The following TEX15 variants were observed in gnomAD, a reference collection of about 807,000 sequenced individuals.
The protein encoded by TEX15 is testis-expressed protein 15.
In TEX15, 171 loss-of-function variants were observed where a neutral mutation model predicts 237.3. The observed-to-expected ratio is 0.72, with a 90% confidence interval of 0.64 to 0.82. The LOEUF (loss-of-function observed/expected upper bound fraction) is 0.82, where lower values mean the gene tolerates loss of function less well. Ranked by LOEUF, TEX15 falls within the 40% of genes least tolerant of loss-of-function variation. TEX15 has a pLI of 0.00. For missense variants in TEX15, 3,750 were observed against 3,646.5 expected (o/e 1.03, Z -0.73); for synonymous variants, 1,338 against 1,269.8 (o/e 1.05, Z -1.14).
rs770383020 is a variant in TEX15 at position 30,846,779 on chromosome 8, A to G, written c.3388T>C (p.Ser1130Pro). The change falls in exon 8 of 11, where the codon TCT becomes CCT. Residue 1130 changes from serine (S) to proline (P), a missense_variant. Transcript: ENST00000643185. ...TGRENSDQHYSKESNYFYSST... is the reference protein window; with the variant it reads ...TGRENSDQHYPKESNYFYSST... Reference sequence around the variant, plus strand: ...GAATAAAAATAGTTACTTTCCTTAGAATAATGCTGATCACTATTCTCCCTT... The same window carrying G: ...GAATAAAAATAGTTACTTTCCTTAGGATAATGCTGATCACTATTCTCCCTT... The G allele has an allele frequency of 6.2e-7, 1 of 1,613,848 alleles. No homozygotes were observed. Among genetic ancestry groups the G allele is most frequent in the Non-Finnish European group, 8.5e-7 (1 of 1,179,780 alleles).
intron 4 of TEX15, among the ~76,000 whole-genome samples, chr8:30,870,499 C>T (rs1240626245): frequency 6.6e-6 from 1 of 151,922 alleles, no homozygotes; most frequent in African/African-American, 2.4e-5. Flanking sequence ...AGGTATTTAG[C>T]TATGGGGTGG....
rs1462089166 is a variant in TEX15, at chr8:30,848,156, T to A, written c.2011A>T (p.Ser671Cys). Reference sequence around the variant, plus strand: ...CAGCTTTTCCCAAAAGAATTATGACTCTCACTCTCTTTGTATTCTTGGTGC... The same window carrying A: ...CAGCTTTTCCCAAAAGAATTATGACACTCACTCTCTTTGTATTCTTGGTGC... ...VLHQEYKESESHNSFGKSCDK... is the reference protein window; with the variant it reads ...VLHQEYKESECHNSFGKSCDK... Residue 671 changes from serine to cysteine, a missense_variant, in exon 8 of 11, where the codon AGT becomes TGT. By Grantham distance (112) the Ser-to-Cys change is moderately radical (BLOSUM62 -1). Transcript: ENST00000643185. 6.2e-7 allele frequency: 1 copy of A among 1,610,576 alleles called. No homozygotes were observed. Among genetic ancestry groups the A allele is most frequent in the Non-Finnish European group, 8.5e-7 (1 of 1,179,056 alleles).
In TEX15 at chr8:30,845,665, G is replaced by C. The variant is rs773742471; in HGVS notation, c.4502C>G (p.Pro1501Arg). The C allele has an allele frequency of 6.2e-7, 1 of 1,613,540 alleles. No homozygotes were observed. The highest frequency in any genetic ancestry group is 1.1e-5 in the South Asian group (1 of 91,048). Residue 1501 changes from proline (P) to arginine (R), a missense_variant, in exon 8 of 11, where the codon CCC becomes CGC. By Grantham distance (103) the Pro-to-Arg change is moderately radical. Coordinates refer to ENST00000643185, the MANE Select transcript of TEX15 (RefSeq NM_001350162.2). ...AAATTCTCCCATGTGACTGGTGGTG[G>C]GGTGACTTTTTGAGACACTGCTAGC... ...SMASSVSKSH[P>R]TTSHMGEFCN...
chr8:30,896,134 T>C (rs1808901867), intron 2 of TEX15, among the ~76,000 whole-genome samples: 1 of 152,174 alleles, frequency 6.6e-6, no homozygotes. Context: ...TGCAGGACAA[T>C]GACGACCCGT....
intron 6 of TEX15, among the ~76,000 whole-genome samples, chr8:30,859,594 CATTATT>C (rs1402975792): frequency 6.6e-6 from 1 of 151,916 alleles, no homozygotes; most frequent in Non-Finnish European, 1.5e-5. Context: ...TGAAATAATG[CATTATT>C]ATTAAGTATG....
intron 1 of TEX15, among the ~76,000 whole-genome samples, chr8:30,900,364 A>G (rs534188861): frequency 1.1e-4 from 17 of 152,376 alleles, no homozygotes; most frequent in Non-Finnish European, 2.2e-4. Context: ...AGAAATTCTG[A>G]GTACTGTGAT....
At chr8:30,882,244 T>C (rs1485784801) in intron 3 of TEX15, among the ~76,000 whole-genome samples, 2 of 152,192 alleles carry the variant, frequency 1.3e-5, no homozygotes, top group African/African-American at 2.4e-5. Flanking sequence ...AGATTTACTT[T>C]TCTGTTTGCA....
chr8:30,841,965 A>G, intron 8 of TEX15, 39 bp downstream of exon 8: 1 of 1,412,376 alleles, frequency 7.1e-7, no homozygotes, highest in Non-Finnish European at 9.5e-7. Context: ...TGTTTTCAAA[A>G]AGAATACTTA....
At chr8:30,903,899 G>A (rs1809049383) in intron 1 of TEX15, among the ~76,000 whole-genome samples, 1 of 152,202 alleles carries the variant, frequency 6.6e-6, no homozygotes, top group Admixed American at 6.5e-5. Context: ...AATAGGTTGT[G>A]AAAGATGAGG....
intron 4 of TEX15, among the ~76,000 whole-genome samples, chr8:30,868,515 G>A (rs1266778825): frequency 6.6e-6 from 1 of 152,026 alleles, no homozygotes. Flanking sequence ...ACCACTTATA[G>A]AATGTGTTTG....
intron 5 of TEX15, among the ~76,000 whole-genome samples, chr8:30,863,641 T>G (rs758797954): frequency 7.2e-5 from 11 of 152,200 alleles, no homozygotes; most frequent in Non-Finnish European, 1.5e-4. Flanking sequence ...CTTCTTCATT[T>G]TTTTCTTTTC....
chr8:30,909,408 C>T (rs1809173930), intron 1 of TEX15, among the ~76,000 whole-genome samples: 1 of 145,072 alleles, frequency 6.9e-6, no homozygotes, highest in African/African-American at 2.6e-5. Context: ...CCCCCCGCCC[C>T]CACTCCCCCC....
At chr8:30,859,271 AAAATT>A (rs1347203251) in intron 6 of TEX15, among the ~76,000 whole-genome samples, 1 of 152,020 alleles carries the variant, frequency 6.6e-6, no homozygotes, top group Non-Finnish European at 1.5e-5. Flanking sequence ...TATTCTGTAT[AAAATT>A]AAAGGTCCAC....
chr8:30,841,715 CCTT>C (rs1807457084), intron 8 of TEX15, among the ~76,000 whole-genome samples: 1 of 152,112 alleles, frequency 6.6e-6, no homozygotes, highest in African/African-American at 2.4e-5. Flanking sequence ...ATATTGAACT[CCTT>C]CTTAAGAAGC....
chr8:30,858,928 A>G, intron 6 of TEX15, 98 bp from the exon 7 acceptor site: 2 of 770,844 alleles, frequency 2.6e-6, no homozygotes, highest in Non-Finnish European at 3.8e-6. Flanking sequence ...TATTATTTAT[A>G]TACTTCCATA....
In TEX15 at chr8:30,842,204, C is replaced by CT. The variant is rs1563231363; in HGVS notation, c.7962dup (p.Glu2655ArgfsTer14). 1 of 1,609,872 alleles carries CT rather than the reference C, an allele frequency of 6.2e-7. No homozygotes were observed. Among genetic ancestry groups the CT allele is most frequent in the Non-Finnish European group, 8.5e-7 (1 of 1,178,652 alleles). On this transcript the variant is annotated frameshift_variant, in exon 8 of 11. Coordinates refer to ENST00000643185, the MANE Select transcript of TEX15 (RefSeq NM_001350162.2). LOFTEE classifies it high-confidence loss of function. Reference sequence around the variant, plus strand: ...TTTACAATATGAATATTCATTTTTTCTTTTCTCTTCAGCTGTAAAATCTTC... The same window carrying CT: ...TTTACAATATGAATATTCATTTTTTCTTTTTCTCTTCAGCTGTAAAATCTTC...
At chr8:30,892,272 T>C (rs28532540) in intron 2 of TEX15, among the ~76,000 whole-genome samples, 3,309 of 152,346 alleles carry the variant, frequency 0.022, 116 homozygotes, top group African/African-American at 0.075. Flanking sequence ...TTATCTGTAA[T>C]GCCATCTCTG....
chr8:30,839,758 A>G, intron 9 of TEX15, 148 bp downstream of exon 9: 1 of 466,246 alleles, frequency 2.1e-6, no homozygotes, highest in Non-Finnish European at 3.8e-6. Context: ...ATTTCAAACA[A>G]ATTTCTTTTT....
Position 30,844,747 on chromosome 8 carries a change from T to G in TEX15, c.5420A>C (p.Glu1807Ala). Reference protein sequence around the residue: ...SGTEEDKSYGENIVELSSSDS... With the variant: ...SGTEEDKSYGANIVELSSSDS... ...ACTGGAAGATAATTCCACTATATTTTCCCCATAACTTTTATCTTCTTCAGT... is the reference window on the plus strand; with the variant it reads ...ACTGGAAGATAATTCCACTATATTTGCCCCATAACTTTTATCTTCTTCAGT... Residue 1807 changes from glutamate (E) to alanine (A), a missense_variant, in exon 8 of 11, where the codon GAA becomes GCA. By Grantham distance (107) the Glu-to-Ala change is moderately radical. Coordinates refer to ENST00000643185, the MANE Select transcript of TEX15 (RefSeq NM_001350162.2). 2 of 1,613,332 alleles carry G rather than the reference T, an allele frequency of 1.2e-6. No homozygotes were observed. Among genetic ancestry groups the G allele is most frequent in the South Asian group, 1.1e-5 (1 of 91,042 alleles).
Sources: allele counts gnomAD v4.1 joint callset (sites outside exome capture counted in the v4.1 genomes callset), GRCh38; gene constraint gnomAD v4.1.1; transcripts MANE v1.5; gene names NCBI Gene and HGNC (gene_info 2026-07-23, HGNC 2026-07-21).